Variants in SPATA3 observed in about 807,000 individuals in gnomAD.
SPATA3 encodes spermatogenesis associated 3.
Under a neutral mutation model 5.7 loss-of-function variants are expected in SPATA3, and 6 were observed. The ratio of observed to expected loss-of-function variants is 1.06; its 90% CI spans 0.58 to 2.09. The LOEUF is 2.09. Among genes scored for constraint, SPATA3 ranks in the 30% most tolerant of loss-of-function variants. The pLI, the probability that SPATA3 is intolerant of heterozygous loss-of-function variation, is 0.00. For missense variants in SPATA3, 155 were observed against 130.4 expected (o/e 1.19, Z -0.92); for synonymous variants, 44 against 48.4 (o/e 0.91, Z 0.37).
chr2:231,006,602 T>C (rs150543132), downstream of SPATA3: 2 of 152,234 alleles, frequency 1.3e-5, no homozygotes, highest in African/African-American at 4.8e-5. Flanking sequence ...CGGGCACCTG[T>C]ATGAGAGTCA....
At chr2:230,996,866 T>C (rs929262961) in intron 1 of SPATA3, among the ~76,000 whole-genome samples, 7 of 152,148 alleles carry the variant, frequency 4.6e-5, no homozygotes, top group Non-Finnish European at 8.8e-5. Context: ...TAGAAGTATA[T>C]GGTTTAGAAT....
downstream of SPATA3, among the ~76,000 whole-genome samples, chr2:231,011,080 A>AAAAAAAAAAAAG (rs1178649390): frequency 6.9e-6 from 1 of 145,914 alleles, no homozygotes; most frequent in Non-Finnish European, 1.5e-5. Flanking sequence ...CTCAAAAAAA[A>AAAAAAAAAAAAG]AAAAAAAAAG....
intron 1 of SPATA3, among the ~76,000 whole-genome samples, chr2:231,000,162 G>C (rs1323929462): frequency 2.0e-5 from 3 of 152,162 alleles, no homozygotes; most frequent in Non-Finnish European, 4.4e-5. Context: ...TGTTTGGTTA[G>C]AGAACATTTT....
chr2:231,019,047 A>G (rs1398493623), intron 6 of SPATA3, among the ~76,000 whole-genome samples: 2 of 148,778 alleles, frequency 1.3e-5, no homozygotes, highest in Admixed American at 1.3e-4. Flanking sequence ...GCTCACTGCA[A>G]GCTCCGCCTC....
chr2:231,007,537 G>T (rs950979721), downstream of SPATA3, among the ~76,000 whole-genome samples: 15 of 152,234 alleles, frequency 9.9e-5, no homozygotes, highest in African/African-American at 3.4e-4. Context: ...AATAGCTAAC[G>T]TAGTTAGTCA....
intron 1 of SPATA3, among the ~76,000 whole-genome samples, chr2:230,996,933 T>C (rs967772380): frequency 2.0e-5 from 3 of 152,222 alleles, no homozygotes; most frequent in Non-Finnish European, 4.4e-5. Flanking sequence ...TTTTGGGCTG[T>C]AAAAGATGCC....
In SPATA3 at chr2:230,996,547, C is replaced by T; in HGVS notation, c.791-3819C>T. The T allele has an allele frequency of 6.5e-7, 1 of 1,550,272 alleles. No individual in the cohort carries two copies. ...TCCAGGAAAGCAGGTGGGCTGTCTT[C>T]TAGCTTCAGCAGTTCCAGCCTTCCT... On this transcript the variant is annotated intron_variant, in intron 1 of 2. Coordinates refer to ENST00000645363, the Ensembl canonical transcript of SPATA3.
chr2:231,017,836 C>A (rs955492401), intron 6 of SPATA3, among the ~76,000 whole-genome samples: 2 of 152,082 alleles, frequency 1.3e-5, no homozygotes, highest in Non-Finnish European at 2.9e-5. Flanking sequence ...TGCAAACAGG[C>A]TTCCTCTGAG....
At chr2:231,019,041 A>C (rs1210908731) in intron 6 of SPATA3, among the ~76,000 whole-genome samples, 20 of 137,704 alleles carry the variant, frequency 1.5e-4, no homozygotes, top group African/African-American at 5.3e-4. Context: ...ATCTCGGCTC[A>C]CTGCAAGCTC....
At chr2:231,011,217 C>A (rs1574673005), downstream of SPATA3, among the ~76,000 whole-genome samples, 1 of 152,206 alleles carries the variant, frequency 6.6e-6, no homozygotes, top group Non-Finnish European at 1.5e-5. Flanking sequence ...CGGGTTCAAG[C>A]AATTCTCCTG....
At chr2:231,018,297 C>T (rs1326835330) in intron 6 of SPATA3, among the ~76,000 whole-genome samples, 2 of 152,146 alleles carry the variant, frequency 1.3e-5, no homozygotes, top group African/African-American at 4.8e-5. Flanking sequence ...TTTGTCAACA[C>T]ACTGGACATC....
chr2:231,006,442 G>T (rs1053105371), downstream of SPATA3, among the ~76,000 whole-genome samples: 14 of 151,836 alleles, frequency 9.2e-5, no homozygotes, highest in African/African-American at 3.1e-4. Flanking sequence ...GGTGGAGGTT[G>T]CAGTGAGCCG....
At chr2:231,017,391 T>C (rs1692960535) in intron 6 of SPATA3, among the ~76,000 whole-genome samples, 1 of 152,192 alleles carries the variant, frequency 6.6e-6, no homozygotes, top group Non-Finnish European at 1.5e-5. Context: ...CAATGGGACT[T>C]TGTCTACATC....
chr2:231,014,709 A>G (rs1468789773), intron 6 of SPATA3, among the ~76,000 whole-genome samples: 1 of 152,158 alleles, frequency 6.6e-6, no homozygotes, highest in Non-Finnish European at 1.5e-5. Context: ...AGAGGCTGAC[A>G]CAGGCCACAG....
intron 2 of SPATA3, among the ~76,000 whole-genome samples, chr2:231,001,891 C>T (rs530505535): frequency 6.6e-6 from 1 of 152,286 alleles, no homozygotes; most frequent in East Asian, 1.9e-4. Flanking sequence ...CAGGAACAGG[C>T]TCCAACAGGA....
At chr2:231,011,072 CAAA>C (rs556496371), downstream of SPATA3, among the ~76,000 whole-genome samples, 4 of 79,868 alleles carry the variant, frequency 5.0e-5, no homozygotes, top group Non-Finnish European at 4.4e-5. Flanking sequence ...GACCCTGTCT[CAAA>C]AAAAAAAAAA....
downstream of SPATA3, among the ~76,000 whole-genome samples, chr2:231,009,553 C>T (rs993022274): frequency 6.6e-6 from 1 of 152,222 alleles, no homozygotes; most frequent in African/African-American, 2.4e-5. Flanking sequence ...AGCATCCTCC[C>T]GGACAGTCAC....
intron 1 of SPATA3, among the ~76,000 whole-genome samples, chr2:230,997,449 T>C (rs1029194671): frequency 1.3e-5 from 2 of 152,192 alleles, no homozygotes; most frequent in African/African-American, 4.8e-5. Context: ...AACAGACAAA[T>C]ACAGGCCCAT....
At chr2:231,009,428 C>T (rs532245198), downstream of SPATA3, among the ~76,000 whole-genome samples, 9 of 152,306 alleles carry the variant, frequency 5.9e-5, no homozygotes, top group South Asian at 1.0e-3. Flanking sequence ...ATGTGTGGGG[C>T]GCTGCTGGTT....
Sources: allele counts gnomAD v4.1 joint callset (sites outside exome capture counted in the v4.1 genomes callset), GRCh38; gene constraint gnomAD v4.1.1; transcripts MANE v1.5; gene names NCBI Gene and HGNC (gene_info 2026-07-23, HGNC 2026-07-21).